FBXW12: variants seen among roughly 807,000 people sequenced by gnomAD.
FBXW12 encodes F-box/WD repeat-containing protein 12.
In FBXW12, 43 loss-of-function variants were observed where a neutral mutation model predicts 55.3. The ratio of observed to expected loss-of-function variants is 0.78; its 90% confidence interval spans 0.61 to 1.00. FBXW12 has a LOEUF of 1.00. FBXW12 is among the 50% of genes least tolerant of loss of function. The pLI is 0.00. For missense variants in FBXW12, 524 were observed against 560.5 expected (o/e 0.93, Z 0.66); for synonymous variants, 184 against 203.8 (o/e 0.90, Z 0.83).
chr3:48,386,916 A>G (rs865790759), intron 10 of FBXW12, among the ~76,000 whole-genome samples: 1 of 148,302 alleles, frequency 6.7e-6, no homozygotes. Context: ...GAAGGATATC[A>G]TTTTGTAGTT....
At chr3:48,391,745 C>T (rs776425197) in intron 10 of FBXW12, among the ~76,000 whole-genome samples, 1 of 152,072 alleles carries the variant, frequency 6.6e-6, no homozygotes, top group African/African-American at 2.4e-5. Context: ...TTGAGATGAT[C>T]ATATGGTTTT....
chr3:48,382,052 T>C lies in FBXW12; in HGVS notation c.1262T>C (p.Leu421Pro). The C allele has an allele frequency of 6.2e-7, 1 of 1,614,166 alleles. No individual in the cohort carries two copies. Among genetic ancestry groups the C allele is most frequent in the South Asian group, 1.1e-5 (1 of 91,086 alleles). Reference protein sequence around the residue: ...RHPYLRSCCHLENTWHDHTTD... With the variant: ...RHPYLRSCCHPENTWHDHTTD... Reference sequence around the variant, plus strand: ...CCATACCTCAGGAGCTGCTGTCACCTGGAAAACACGTGGCATGATCACACA... The same window carrying C: ...CCATACCTCAGGAGCTGCTGTCACCCGGAAAACACGTGGCATGATCACACA... Residue 421 changes from leucine to proline, a missense_variant, in exon 10 of 11, where the codon CTG (leucine) becomes CCG (proline). Physicochemically the swap from Leu to Pro is moderately conservative, Grantham distance 98 (BLOSUM62 -3). Transcript: ENST00000296438.
At chr3:48,387,462 T>A (rs776744758) in intron 10 of FBXW12, among the ~76,000 whole-genome samples, 1 of 151,752 alleles carries the variant, frequency 6.6e-6, no homozygotes, top group Non-Finnish European at 1.5e-5. Context: ...TAACAACCTC[T>A]ATTTTGCTAT....
chr3:48,382,126 T>A (rs745699979), intron 10 of FBXW12, 41 bp downstream of exon 10: 3 of 1,589,464 alleles, frequency 1.9e-6, no homozygotes, highest in Non-Finnish European at 2.6e-6. Flanking sequence ...CTAAACAACT[T>A]TTTTTTTTTG....
Position 48,386,433 on chromosome 3 carries a change from C to T in FBXW12, c.1295+4348C>T, listed in dbSNP as rs547412678. Among the ~76,000 whole-genome samples, 6 of 152,314 alleles carry T rather than the reference C, an allele frequency of 3.9e-5. No individual in the cohort carries two copies. The South Asian group carries it at 1.2e-3, about 32-fold the overall frequency. ...TTTGAAATCAGATAATATGCCACCT[C>T]CAGCTTTATTCTTTCTCAAGATTGC... On this transcript the variant is annotated intron_variant, in intron 10 of 10. Transcript: ENST00000296438.
intron 10 of FBXW12, among the ~76,000 whole-genome samples, chr3:48,391,353 C>T (rs200112618): frequency 2.0e-4 from 27 of 133,840 alleles, no homozygotes; most frequent in African/African-American, 6.9e-4. Context: ...CACACACACA[C>T]ACATATATAT....
At chr3:48,394,115 G>A (rs1359947127) in intron 10 of FBXW12, among the ~76,000 whole-genome samples, 1 of 152,000 alleles carries the variant, frequency 6.6e-6, no homozygotes, top group Non-Finnish European at 1.5e-5. Flanking sequence ...GGGCGTGGTG[G>A]TGCGTGCCTG....
rs1239238049 is a variant in FBXW12, at chr3:48,394,698, C to T, written c.*39C>T. The stretch of plus-strand genomic sequence containing the variant: ...AAAATTGACCTTGCATCATCTTCTG[C>T]AATGTAGTAAAGAAATTCTATTTGC... On this transcript the variant is annotated 3_prime_UTR_variant, in exon 11 of 11. Coordinates refer to ENST00000296438, the MANE Select transcript of FBXW12 (RefSeq NM_207102.2). The T allele has an allele frequency of 9.3e-6, 10 of 1,071,698 alleles. No homozygotes were observed. The South Asian group carries it at 1.3e-4, about 14-fold the overall frequency. 66.4% of individuals were successfully genotyped at this position (1,071,698 alleles called of 1,614,324 possible). A position where few individuals can be genotyped will look rare whatever the true frequency, so the allele number is the denominator to read the frequency against.
chr3:48,379,316 C>A, intron 6 of FBXW12, 84 bp from the exon 7 acceptor site: 1 of 1,251,734 alleles, frequency 8.0e-7, no homozygotes, highest in Non-Finnish European at 1.2e-6. Flanking sequence ...AGTGGCATAT[C>A]TTGCAGCTCA....
At chr3:48,392,548 C>G (rs2036944788) in intron 10 of FBXW12, among the ~76,000 whole-genome samples, 1 of 151,630 alleles carries the variant, frequency 6.6e-6, no homozygotes, top group African/African-American at 2.4e-5. Flanking sequence ...TGTGATGCCT[C>G]CAGCAAATGT....
In FBXW12 at chr3:48,381,966, T is replaced by A. The variant is rs755654184; in HGVS notation, c.1176T>A (p.Tyr392Ter). 2.5e-6 allele frequency: 4 copies of A among 1,614,202 alleles called. No individual in the cohort carries two copies. Among genetic ancestry groups the A allele is most frequent in the Non-Finnish European group, 3.4e-6 (4 of 1,180,034 alleles). ...GCTATCCTTGGAAGGATCCTTGCTATGTGCTCACCACATCCGAGAACTCTG... is the reference window on the plus strand; with the variant it reads ...GCTATCCTTGGAAGGATCCTTGCTAAGTGCTCACCACATCCGAGAACTCTG... ...AINNFWVDPC[Y>*]VLTTSENSVH... Residue 392 changes from tyrosine (Y) to a stop codon, truncating the protein, a stop_gained, in exon 10 of 11, where the codon TAT becomes TAA. Transcript: ENST00000296438. LOFTEE classifies it high-confidence loss of function.
chr3:48,384,999 G>A (rs1238126431), intron 10 of FBXW12, among the ~76,000 whole-genome samples: 3 of 152,008 alleles, frequency 2.0e-5, no homozygotes, highest in African/African-American at 7.3e-5. Flanking sequence ...TCTACTCTCA[G>A]CAAATTTGTA....
Position 48,394,692 on chromosome 3 carries a change from C to A in FBXW12, c.*33C>A. 1 of 1,122,928 alleles carries A rather than the reference C, an allele frequency of 8.9e-7. No individual in the cohort carries two copies. Among genetic ancestry groups the A allele is most frequent in the Non-Finnish European group, 1.3e-6 (1 of 750,984 alleles). The allele number at this position is 1,122,928 out of a possible 1,614,324, so 69.6% of individuals were successfully genotyped here. Reference sequence around the variant, plus strand: ...ACTAACAAAATTGACCTTGCATCATCTTCTGCAATGTAGTAAAGAAATTCT... The same window carrying A: ...ACTAACAAAATTGACCTTGCATCATATTCTGCAATGTAGTAAAGAAATTCT... On this transcript the variant is annotated 3_prime_UTR_variant, in exon 11 of 11. Coordinates refer to ENST00000296438, the MANE Select transcript of FBXW12 (RefSeq NM_207102.2).
At chr3:48,379,667 C>T (rs1173684362) in intron 7 of FBXW12, 109 bp downstream of exon 7, 4 of 835,844 alleles carry the variant, frequency 4.8e-6, no homozygotes, top group Non-Finnish European at 7.9e-6. Context: ...TCCTTCCTCT[C>T]TAAGACCACA....
At chr3:48,389,169 T>C (rs1446289571) in intron 10 of FBXW12, among the ~76,000 whole-genome samples, 2 of 152,194 alleles carry the variant, frequency 1.3e-5, no homozygotes, top group African/African-American at 4.8e-5. Context: ...GGTTAGGCGA[T>C]TGCTTGAGCC....
At chr3:48,375,306 A>C (rs746137917) in intron 4 of FBXW12, 48 bp from the exon 5 acceptor site, 1 of 1,086,882 alleles carries the variant, frequency 9.2e-7, no homozygotes, top group East Asian at 2.4e-5. Context: ...TTTGGTTTGG[A>C]TCATCCCTTA....
chr3:48,386,846 C>T (rs1312706898), intron 10 of FBXW12, among the ~76,000 whole-genome samples: 1 of 151,858 alleles, frequency 6.6e-6, no homozygotes, highest in African/African-American at 2.4e-5. Context: ...TTTTATATTA[C>T]TTTTTTTACA....
chr3:48,391,145 A>G (rs914306646), intron 10 of FBXW12, among the ~76,000 whole-genome samples: 1 of 147,612 alleles, frequency 6.8e-6, no homozygotes, highest in South Asian at 2.1e-4. Context: ...ATAGCCAGGC[A>G]TGGTGGTGTG....
At chr3:48,388,203 A>G (rs969763645) in intron 10 of FBXW12, among the ~76,000 whole-genome samples, 3 of 152,140 alleles carry the variant, frequency 2.0e-5, no homozygotes, top group Non-Finnish European at 4.4e-5. Context: ...GATATGCTCT[A>G]TCTTGGTGAA....
Sources: allele counts gnomAD v4.1 joint callset (sites outside exome capture counted in the v4.1 genomes callset), GRCh38; gene constraint gnomAD v4.1.1; transcripts MANE v1.5; gene names NCBI Gene and HGNC (gene_info 2026-07-23, HGNC 2026-07-21).